Variants in DLEC1 observed in about 807,000 individuals in gnomAD.
The protein encoded by DLEC1 is deleted in lung and esophageal cancer protein 1.
Under a neutral mutation model 198.1 loss-of-function variants are expected in DLEC1, and 146 were observed. The ratio of observed to expected loss-of-function variants is 0.74; its 90% CI spans 0.64 to 0.85. The LOEUF (loss-of-function observed/expected upper bound fraction) is 0.85. Among genes scored for constraint, DLEC1 ranks in the 40% least tolerant of loss-of-function variants. The pLI, the probability that DLEC1 is intolerant of heterozygous loss-of-function variation, is 0.00. For synonymous variants in DLEC1, 897 were observed against 866.8 expected, an observed-to-expected ratio of 1.03 and a Z score of -0.61; for missense variants, 2,233 against 2,220.0, an observed-to-expected ratio of 1.01 and a Z score of -0.12.
chr3:38,117,566 C>T lies in DLEC1; in HGVS notation c.4440C>T (p.Phe1480=), dbSNP rs759601783. The change falls in exon 32 of 37, where the codon TTC becomes TTT. Residue 1480 remains phenylalanine (F), a synonymous_variant. Transcript: ENST00000308059. ...VELDYGGSME[F]QCQASDLIPE... ...TGGACTACGGCGGCAGTATGGAATTCCAGTGCCAGGCCAGTGACCTCATTC... is the reference window on the plus strand; with the variant it reads ...TGGACTACGGCGGCAGTATGGAATTTCAGTGCCAGGCCAGTGACCTCATTC... The T allele has an allele frequency of 3.8e-5, 62 of 1,614,026 alleles. No individual in the cohort carries two copies. Among genetic ancestry groups the T allele is most frequent in the Non-Finnish European group, 5.0e-5 (59 of 1,180,002 alleles).
intron 6 of DLEC1, among the ~76,000 whole-genome samples, chr3:38,081,016 T>G (rs1697956052): frequency 7.6e-6 from 1 of 132,332 alleles, no homozygotes; most frequent in Non-Finnish European, 1.6e-5. Flanking sequence ...TGGTGATGAC[T>G]CTTAACGAGC....
In DLEC1 at chr3:38,117,293, G is replaced by A. The variant is rs754682152; in HGVS notation, c.4391G>A (p.Arg1464Lys). ...PLKLDLHSYVRPAQLSVELDY... is the reference protein window; with the variant it reads ...PLKLDLHSYVKPAQLSVELDY... ...AAACTGGACCTGCATAGCTACGTGA[G>A]GCCTGCACAGTGAGTCAGCTGGGGT... Residue 1464 changes from arginine to lysine, a missense_variant, in exon 31 of 37, where the codon AGG becomes AAG. By Grantham distance (26) the Arg-to-Lys change is conservative. Transcript: ENST00000308059. 1 of 1,614,088 alleles carries A rather than the reference G, an allele frequency of 6.2e-7. No individual in the cohort carries two copies. The highest frequency in any genetic ancestry group is 2.2e-5 in the East Asian group (1 of 44,880).
rs2125731386 is a variant in DLEC1 at position 38,112,748 on chromosome 3, G to A, written c.3666+387G>A. Among the ~76,000 whole-genome samples, 1 of 152,252 alleles carries A rather than the reference G, an allele frequency of 6.6e-6. No individual in the cohort carries two copies. Among genetic ancestry groups the A allele is most frequent in the Admixed American group, 6.5e-5 (1 of 15,296 alleles). ...CCAGGTCCTTGCCCCGCCCTTGGTG[G>A]GGCTCACCCAGGGGTCCATTTAATT... On this transcript the variant is annotated intron_variant, in intron 25 of 36. Coordinates refer to ENST00000308059, the MANE Select transcript of DLEC1 (RefSeq NM_007335.4). The surrounding 1 kb of genome is among the most constrained non-coding windows in gnomAD (Gnocchi z 4.8).
intron 19 of DLEC1, among the ~76,000 whole-genome samples, chr3:38,105,515 A>T (rs1575212027): frequency 6.6e-6 from 1 of 152,114 alleles, no homozygotes; most frequent in East Asian, 1.9e-4. Context: ...TAATTATAAA[A>T]TATCCTTCAT....
chr3:38,102,827 A>G (rs1699374220), intron 19 of DLEC1, among the ~76,000 whole-genome samples: 2 of 152,250 alleles, frequency 1.3e-5, no homozygotes, highest in Admixed American at 6.5e-5. Context: ...ATAAATAAGA[A>G]TGAAGGAATA....
At chr3:38,076,756 T>G (rs952475314) in intron 6 of DLEC1, among the ~76,000 whole-genome samples, 3 of 152,140 alleles carry the variant, frequency 2.0e-5, no homozygotes, top group African/African-American at 7.2e-5. Flanking sequence ...CCTTCTTATA[T>G]TAATAAGAAA....
At chr3:38,077,662 G>A (rs1697704104) in intron 6 of DLEC1, among the ~76,000 whole-genome samples, 2 of 152,106 alleles carry the variant, frequency 1.3e-5, no homozygotes, top group South Asian at 4.1e-4. Context: ...TGACAGAAGG[G>A]AAGAAATTAC....
Position 38,039,339 on chromosome 3 carries a change from G to A in DLEC1, c.114G>A (p.Gln38=). Residue 38 remains glutamine, a synonymous_variant, in exon 1 of 37, where the codon CAG becomes CAA. Transcript: ENST00000308059. ...SPPAGSSSPS[Q]PTWKSSLYSS... is the part of the protein sequence containing the mutation. ...CAGCCGGGTCCAGCAGCCCCAGCCA[G>A]CCCACCTGGAAGTCCTCCTTGTATT... 1 of 1,614,242 alleles carries A rather than the reference G, an allele frequency of 6.2e-7. No homozygotes were observed. Among genetic ancestry groups the A allele is most frequent in the Non-Finnish European group, 8.5e-7 (1 of 1,180,040 alleles).
intron 2 of DLEC1, among the ~76,000 whole-genome samples, chr3:38,047,681 G>A (rs1312398297): frequency 1.3e-5 from 2 of 152,176 alleles, no homozygotes; most frequent in Non-Finnish European, 2.9e-5. Flanking sequence ...TGATGGTCAG[G>A]TGGTGGGGAA....
chr3:38,063,823 T>G lies in DLEC1; in HGVS notation c.1095-18T>G, dbSNP rs1696829372. 2 of 1,605,740 alleles carry G rather than the reference T, an allele frequency of 1.2e-6. No individual in the cohort carries two copies. The highest frequency in any genetic ancestry group is 2.2e-5 in the South Asian group (2 of 90,610). On this transcript the variant is annotated intron_variant, in intron 5 of 36. Transcript: ENST00000308059. ...ATGAAACTAACAGCCTTTCTCCCCC[T>G]CTTTTTTCATCCCACAGTTGTGCTG...
At chr3:38,101,859 G>A (rs1699325040) in intron 19 of DLEC1, among the ~76,000 whole-genome samples, 2 of 152,196 alleles carry the variant, frequency 1.3e-5, no homozygotes, top group South Asian at 4.1e-4. Context: ...CAGCTCAGGG[G>A]AAGGGCTTTC....
chr3:38,117,140 C>T, intron 30 of DLEC1, 40 bp downstream of exon 30: 1 of 1,613,968 alleles, frequency 6.2e-7, no homozygotes, highest in Middle Eastern at 1.7e-4. Context: ...GCAGCCACTG[C>T]TCCCTCCTGG....
At chr3:38,054,555 GGCC>G (rs1696255045) in intron 2 of DLEC1, among the ~76,000 whole-genome samples, 2 of 152,228 alleles carry the variant, frequency 1.3e-5, no homozygotes, top group Non-Finnish European at 2.9e-5. Flanking sequence ...CTGATGTCAT[GGCC>G]GATGCATGCT....
In DLEC1 at chr3:38,122,561, G is replaced by C; in HGVS notation, c.*149G>C. ...GAATGGAAGAACCCCCTTCCACAATGGTCTCAGCCTAGGCCCTCATGATAT... is the reference window on the plus strand; with the variant it reads ...GAATGGAAGAACCCCCTTCCACAATCGTCTCAGCCTAGGCCCTCATGATAT... On this transcript the variant is annotated 3_prime_UTR_variant, in exon 37 of 37. Coordinates refer to ENST00000308059, the MANE Select transcript of DLEC1 (RefSeq NM_007335.4). 2 of 1,605,490 alleles carry C rather than the reference G, an allele frequency of 1.2e-6. No individual in the cohort carries two copies.
In DLEC1 at chr3:38,059,958, CCTTTT is replaced by C. The variant is rs112900948; in HGVS notation, c.673+111_673+115del. 3.3e-3 allele frequency: 3,123 copies of C among 934,296 alleles called. 54 individuals carry two copies. The African/African-American group carries it at 0.042, about 13-fold the overall frequency. The allele number at this position is 934,296 out of a possible 1,614,324, so 57.9% of individuals were successfully genotyped here. A position where few individuals can be genotyped will look rare whatever the true frequency, so the allele number is the denominator to read the frequency against. ...TTTCCTTGCTCAGAGGTTTTTTTCACCTTTTCTTTAATTTCGATGGTGACTGTTGG... is the reference window on the plus strand; with the variant it reads ...TTTCCTTGCTCAGAGGTTTTTTTCACCTTTAATTTCGATGGTGACTGTTGG... On this transcript the variant is annotated intron_variant, in intron 3 of 36. Coordinates refer to ENST00000308059, the MANE Select transcript of DLEC1 (RefSeq NM_007335.4).
intron 22 of DLEC1, 174 bp downstream of exon 22, chr3:38,109,736 AC>A: frequency 1.8e-6 from 2 of 1,110,170 alleles, no homozygotes; most frequent in Non-Finnish European, 2.5e-6. Context: ...AGCTCCCTTT[AC>A]CCCATCCCTG....
chr3:38,099,184 C>T (rs866052867), intron 18 of DLEC1, among the ~76,000 whole-genome samples: 2 of 152,216 alleles, frequency 1.3e-5, no homozygotes, highest in Non-Finnish European at 2.9e-5. Context: ...TTCCAGTCCC[C>T]TGCACTTCTA....
At chr3:38,097,313 G>A in intron 16 of DLEC1, 38 bp downstream of exon 16, 1 of 1,555,610 alleles carries the variant, frequency 6.4e-7, no homozygotes. Context: ...TGACCTGCCT[G>A]GGGCTGGCTC....
At chr3:38,102,134 A>G (rs575444331) in intron 19 of DLEC1, among the ~76,000 whole-genome samples, 78 of 152,058 alleles carry the variant, frequency 5.1e-4, no homozygotes, top group African/African-American at 1.7e-3. Flanking sequence ...TCCCAGCCCC[A>G]ACCCATCTAC....
Sources: allele counts gnomAD v4.1 joint callset (sites outside exome capture counted in the v4.1 genomes callset), GRCh38; gene constraint gnomAD v4.1.1; non-coding constraint Gnocchi (gnomAD v3.1); transcripts MANE v1.5; gene names NCBI Gene and HGNC (gene_info 2026-07-23, HGNC 2026-07-21).